CSMD1: variants seen among roughly 807,000 people sequenced by gnomAD.
The protein encoded by CSMD1 is CUB and Sushi multiple domains 1.
A neutral mutation model predicts 417.5 loss-of-function variants in CSMD1; 213 were observed. The ratio of observed to expected loss-of-function variants is 0.51; its 90% CI spans 0.46 to 0.57. The LOEUF is 0.57. Among genes scored for constraint, CSMD1 ranks in the 20% least tolerant of loss-of-function variants. CSMD1 has a pLI of 0.00. For synonymous variants in CSMD1, 2,862 were observed against 1,736.8 expected (o/e 1.65, Z -16.11); for missense variants, 6,923 against 4,529.7 (o/e 1.53, Z -15.17).
At chr8:3,572,706 C>T (rs1314789883) in intron 10 of CSMD1, among the ~76,000 whole-genome samples, 1 of 152,164 alleles carries the variant, frequency 6.6e-6, no homozygotes, top group Non-Finnish European at 1.5e-5. Context: ...TGGGATACTT[C>T]TGGTCTCGAT....
At chr8:3,658,464 G>GTATATATA (rs113956125) in intron 7 of CSMD1, among the ~76,000 whole-genome samples, 37,196 of 143,834 alleles carry the variant, frequency 0.26, 5,504 homozygotes, top group Admixed American at 0.33. Context: ...TATATATATT[G>GTATATATA]TGTATATATA....
chr8:4,322,315 G>T (rs557477364), intron 3 of CSMD1, among the ~76,000 whole-genome samples: 1 of 147,064 alleles, frequency 6.8e-6, no homozygotes, highest in Non-Finnish European at 1.5e-5. Flanking sequence ...CATATTTGAA[G>T]AGAGTACTTT....
At chr8:3,487,400 A>T (rs1465887122) in intron 11 of CSMD1, among the ~76,000 whole-genome samples, 1 of 152,024 alleles carries the variant, frequency 6.6e-6, no homozygotes, top group Non-Finnish European at 1.5e-5. Context: ...ACAGGGTTTC[A>T]CCATGTTAGC....
At chr8:4,681,641 G>C (rs1321339597) in intron 1 of CSMD1, among the ~76,000 whole-genome samples, 1 of 152,136 alleles carries the variant, frequency 6.6e-6, no homozygotes, top group Non-Finnish European at 1.5e-5. Context: ...GTGCTTGGTT[G>C]CTGGCACGTC....
At chr8:3,988,399 T>G (rs1202747961) in intron 5 of CSMD1, among the ~76,000 whole-genome samples, 1 of 152,232 alleles carries the variant, frequency 6.6e-6, no homozygotes, top group Non-Finnish European at 1.5e-5. Flanking sequence ...TGAATGATAA[T>G]TAGTTATGGT....
chr8:4,252,523 A>T (rs1158167148), intron 3 of CSMD1, among the ~76,000 whole-genome samples: 1 of 152,204 alleles, frequency 6.6e-6, no homozygotes, highest in Non-Finnish European at 1.5e-5. Context: ...TTCCTCAAAC[A>T]CCATAAAATG....
intron 3 of CSMD1, among the ~76,000 whole-genome samples, chr8:4,198,821 A>C (rs1185494609): frequency 2.6e-5 from 4 of 152,190 alleles, no homozygotes; most frequent in African/African-American, 7.2e-5. Flanking sequence ...TGGCACAAAA[A>C]GTTAAAGTAC....
At chr8:3,321,318 C>T (rs989905969) in intron 23 of CSMD1, among the ~76,000 whole-genome samples, 15 of 152,146 alleles carry the variant, frequency 9.9e-5, no homozygotes, top group South Asian at 2.1e-4. Flanking sequence ...GCCCTCTGCA[C>T]CAGGGCTCAT....
intron 40 of CSMD1, among the ~76,000 whole-genome samples, chr8:3,149,101 A>G (rs1819032103): frequency 6.6e-6 from 1 of 152,150 alleles, no homozygotes. Flanking sequence ...CTTTCTTTAA[A>G]TAGTTTGTTT....
intron 26 of CSMD1, among the ~76,000 whole-genome samples, chr8:3,261,080 A>G (rs1801027780): frequency 6.6e-6 from 1 of 152,186 alleles, no homozygotes; most frequent in South Asian, 2.1e-4. Context: ...GATGCTCTAA[A>G]TTAGTAGCCA....
At chr8:4,147,632 G>C (rs1374122617) in intron 3 of CSMD1, among the ~76,000 whole-genome samples, 3 of 152,256 alleles carry the variant, frequency 2.0e-5, no homozygotes, top group Non-Finnish European at 2.9e-5. Context: ...GTGGCATGTA[G>C]TGCATGAAGG....
At chr8:3,643,387 G>A (rs535336410) in intron 7 of CSMD1, among the ~76,000 whole-genome samples, 3 of 152,234 alleles carry the variant, frequency 2.0e-5, no homozygotes, top group Admixed American at 2.0e-4. Context: ...GACCTCCAGA[G>A]TCCCTGAGTG....
chr8:3,058,640 C>G (rs766604608), intron 49 of CSMD1, among the ~76,000 whole-genome samples: 16 of 152,030 alleles, frequency 1.1e-4, no homozygotes, highest in Non-Finnish European at 2.1e-4. Context: ...GCTCCTTATC[C>G]CCAGGCCATG....
chr8:3,982,769 G>A (rs1280964151), intron 5 of CSMD1, among the ~76,000 whole-genome samples: 2 of 152,160 alleles, frequency 1.3e-5, no homozygotes, highest in African/African-American at 4.8e-5. Flanking sequence ...CACAGATAAT[G>A]GACAGGGCCA....
intron 5 of CSMD1, among the ~76,000 whole-genome samples, chr8:3,755,799 T>C (rs1797622650): frequency 6.6e-6 from 1 of 152,096 alleles, no homozygotes; most frequent in African/African-American, 2.4e-5. Context: ...TATGCCACTG[T>C]TTGAAATAAT....
chr8:3,837,379 C>T (rs958555454), intron 5 of CSMD1, among the ~76,000 whole-genome samples: 1 of 152,084 alleles, frequency 6.6e-6, no homozygotes. Context: ...AAATGGTCTG[C>T]AGAAAATTGA....
chr8:4,487,951 G>C (rs914479940), intron 2 of CSMD1, among the ~76,000 whole-genome samples: 2 of 152,174 alleles, frequency 1.3e-5, no homozygotes, highest in African/African-American at 4.8e-5. Flanking sequence ...CTGAATGTTT[G>C]CGTCCCTCCG....
chr8:4,803,091 T>C (rs1798395059), intron 1 of CSMD1, among the ~76,000 whole-genome samples: 1 of 152,212 alleles, frequency 6.6e-6, no homozygotes, highest in Non-Finnish European at 1.5e-5. Context: ...AAAGTACAAT[T>C]GCTTAGTCTT....
At chr8:4,239,616 C>T (rs1412350626) in intron 3 of CSMD1, among the ~76,000 whole-genome samples, 1 of 152,128 alleles carries the variant, frequency 6.6e-6, no homozygotes, top group African/African-American at 2.4e-5. Context: ...AAGGCATTTC[C>T]ACCTAGAGAA....
Sources: gnomAD v4.1 joint callset for allele counts (sites outside exome capture counted in the v4.1 genomes callset) on GRCh38, gnomAD v4.1.1 for gene constraint, MANE v1.5 for transcripts, NCBI Gene and HGNC (gene_info 2026-07-23, HGNC 2026-07-21) for gene names.